The following VWA8 variants were observed in gnomAD, a reference collection of about 807,000 sequenced individuals.
VWA8 encodes von Willebrand factor A domain containing 8.
In VWA8, 221 loss-of-function variants were observed where a neutral mutation model predicts 241.5. The observed-to-expected ratio is 0.91, with a 90% CI of 0.82 to 1.02. The LOEUF (loss-of-function observed/expected upper bound fraction) is 1.02. Ranked by LOEUF, VWA8 falls within the 50% of genes least tolerant of loss-of-function variation. The probability of loss-of-function intolerance (pLI) is 0.00; values close to 1 mark genes in which losing one functional copy is unlikely to be tolerated. For missense variants in VWA8, 2,322 were observed against 2,328.7 expected, an observed-to-expected ratio of 1.00 and a Z score of 0.06; for synonymous variants, 852 against 827.1, an observed-to-expected ratio of 1.03 and a Z score of -0.52.
chr13:41,659,067 T>G lies in VWA8; in HGVS notation c.4611+11879A>C, dbSNP rs188350430. On this transcript the variant is annotated intron_variant, in intron 37 of 44. Transcript: ENST00000379310. ...GAAAACTTTTATATTATTTTTAAAA[T>G]CCATATTCCTTAAACTGAGGGTAAA... is the stretch of plus-strand genomic sequence containing the variant. 8.9e-4 allele frequency among the ~76,000 whole-genome samples: 135 copies of G among 152,334 alleles called. 1 individual carries two copies. The Middle Eastern group carries it at 0.02, about 23-fold the overall frequency.
intron 36 of VWA8, among the ~76,000 whole-genome samples, chr13:41,673,463 C>T (rs2045039646): frequency 6.6e-6 from 1 of 151,998 alleles, no homozygotes; most frequent in Admixed American, 6.6e-5. Flanking sequence ...GACATACTGA[C>T]AATGAAACAG....
Position 41,568,422 on chromosome 13 carries a change from T to TAATA in VWA8, c.5610-121_5610-118dup. The TAATA allele has an allele frequency of 4.2e-6, 3 of 706,990 alleles. 1 individual carries two copies. In the South Asian group the frequency reaches 5.5e-5, roughly 13 times the overall value. The allele number at this position is 706,990 out of a possible 1,614,324, so 43.8% of individuals were successfully genotyped here. The stretch of plus-strand genomic sequence containing the variant: ...CTTAGGAAAGGAAGTTTTTACTTTC[T>TAATA]AATACCTTGCTCTCTGCCTACCATT... On this transcript the variant is annotated intron_variant, in intron 44 of 44. Coordinates refer to ENST00000379310, the MANE Select transcript of VWA8 (RefSeq NM_015058.2).
intron 12 of VWA8, 97 bp downstream of exon 12, chr13:41,865,639 A>T: frequency 7.3e-7 from 1 of 1,362,114 alleles, no homozygotes; most frequent in Non-Finnish European, 1.0e-6. Flanking sequence ...CCTATATAAA[A>T]AAACACAGGT....
chr13:41,912,553 A>C (rs190863520), intron 2 of VWA8, among the ~76,000 whole-genome samples: 3 of 152,324 alleles, frequency 2.0e-5, no homozygotes, highest in East Asian at 3.9e-4. Flanking sequence ...TGATTTGATT[A>C]ATCACAATTT....
intron 2 of VWA8, among the ~76,000 whole-genome samples, chr13:41,924,185 A>G (rs1263238522): frequency 2.6e-4 from 39 of 152,190 alleles, no homozygotes; most frequent in Non-Finnish European, 2.6e-4. Context: ...TTATAACCTC[A>G]GAGATTCAAC....
At position 41,868,369 on chromosome 13, in the gene VWA8, C is replaced by T. The variant is rs1454594127; in HGVS notation, c.1189G>A (p.Ala397Thr). Residue 397 changes from alanine (A) to threonine (T), a missense_variant, in exon 10 of 45, where the codon GCA becomes ACA. Physicochemically the swap from Ala to Thr is moderately conservative, Grantham distance 58 (BLOSUM62 0). Coordinates refer to ENST00000379310, the MANE Select transcript of VWA8 (RefSeq NM_015058.2). ...ACCTTAATGGTCACCTCTTTATCTG[C>T]AATCCGGATGGTCACAGAAGCTTGG... Reference protein sequence around the residue: ...VSQASVTIRIADKEVTIKVPA... With the variant: ...VSQASVTIRITDKEVTIKVPA... 1 of 1,613,970 alleles carries T rather than the reference C, an allele frequency of 6.2e-7. No homozygotes were observed. Among genetic ancestry groups the T allele is most frequent in the Non-Finnish European group, 8.5e-7 (1 of 1,180,008 alleles).
intron 30 of VWA8, 73 bp downstream of exon 30, chr13:41,692,789 A>C: frequency 2.6e-6 from 3 of 1,153,846 alleles, no homozygotes; most frequent in Non-Finnish European, 3.8e-6. Context: ...AGGGATGGGC[A>C]TGCATGCATC....
chr13:41,660,913 A>G (rs1272437192), intron 37 of VWA8, among the ~76,000 whole-genome samples: 2 of 148,198 alleles, frequency 1.3e-5, no homozygotes, highest in South Asian at 4.3e-4. Flanking sequence ...GTCTCGCTCT[A>G]TTGCCAGGTT....
intron 2 of VWA8, among the ~76,000 whole-genome samples, chr13:41,944,108 A>T (rs1321319735): frequency 3.4e-5 from 5 of 146,544 alleles, no homozygotes; most frequent in South Asian, 2.2e-4. Flanking sequence ...CTGTCTCAAA[A>T]AATAATAATA....
chr13:41,829,612 G>A (rs1871340972), intron 14 of VWA8, among the ~76,000 whole-genome samples: 1 of 151,024 alleles, frequency 6.6e-6, no homozygotes, highest in South Asian at 2.1e-4. Context: ...CCATAAAAAG[G>A]AATGAAATAA....
chr13:41,881,124 T>C lies in VWA8; in HGVS notation c.1080+2263A>G, dbSNP rs920061061. Among the ~76,000 whole-genome samples, 11 of 152,200 alleles carry C rather than the reference T, an allele frequency of 7.2e-5. No individual in the cohort carries two copies. In the East Asian group the frequency reaches 2.1e-3, roughly 29 times the overall value. ...ATTTTATGTAACAGGTTAAAACCAATTACCATCATCATTTATTTTTATGCT... is the reference window on the plus strand; with the variant it reads ...ATTTTATGTAACAGGTTAAAACCAACTACCATCATCATTTATTTTTATGCT... On this transcript the variant is annotated intron_variant, in intron 9 of 44. Transcript: ENST00000379310.
chr13:41,671,591 T>A (rs1427438604), intron 36 of VWA8, among the ~76,000 whole-genome samples: 1 of 151,164 alleles, frequency 6.6e-6, no homozygotes, highest in Non-Finnish European at 1.5e-5. Flanking sequence ...ACCCCCAATA[T>A]GATAGTATTA....
chr13:41,941,250 T>C (rs1199652304), intron 2 of VWA8, among the ~76,000 whole-genome samples: 1 of 152,226 alleles, frequency 6.6e-6, no homozygotes, highest in Non-Finnish European at 1.5e-5. Context: ...ATACAGTGAA[T>C]TCTCTCACTT....
chr13:41,893,723 G>C (rs1044135260), intron 4 of VWA8, among the ~76,000 whole-genome samples: 2 of 151,968 alleles, frequency 1.3e-5, no homozygotes, highest in Non-Finnish European at 2.9e-5. Flanking sequence ...GTCTCTACTA[G>C]AAATACAAAA....
intron 20 of VWA8, among the ~76,000 whole-genome samples, chr13:41,763,308 AATAG>A (rs542268211): frequency 0.1 from 14,730 of 145,276 alleles, 858 homozygotes; most frequent in African/African-American, 0.13. Flanking sequence ...TAAATAAATA[AATAG>A]ATAGATAGAT....
intron 40 of VWA8, among the ~76,000 whole-genome samples, chr13:41,599,476 A>G (rs2044508331): frequency 6.6e-6 from 1 of 152,244 alleles, no homozygotes; most frequent in South Asian, 2.1e-4. Flanking sequence ...TATATCTTAA[A>G]TGCTTGTTAT....
At chr13:41,644,595 G>A (rs1386314267) in intron 37 of VWA8, among the ~76,000 whole-genome samples, 7 of 152,218 alleles carry the variant, frequency 4.6e-5, no homozygotes, top group Non-Finnish European at 8.8e-5. Context: ...GTGTGAGTGA[G>A]TGCAGGTGTG....
intron 21 of VWA8, among the ~76,000 whole-genome samples, chr13:41,758,414 A>ACGC (rs2045713014): frequency 1.3e-5 from 1 of 77,486 alleles, no homozygotes; most frequent in African/African-American, 4.7e-5. Flanking sequence ...ATATATATAT[A>ACGC]TATATATATA....
chr13:41,856,055 GC>G (rs1304463669), intron 12 of VWA8, among the ~76,000 whole-genome samples: 1 of 152,100 alleles, frequency 6.6e-6, no homozygotes, highest in Non-Finnish European at 1.5e-5. Context: ...TTACTTGTTG[GC>G]CAGGCATAGT....
Sources: gnomAD v4.1 joint callset for allele counts (sites outside exome capture counted in the v4.1 genomes callset) on GRCh38, gnomAD v4.1.1 for gene constraint, MANE v1.5 for transcripts, NCBI Gene and HGNC (gene_info 2026-07-23, HGNC 2026-07-21) for gene names.